The following IQSEC1 variants were observed in gnomAD, a reference collection of about 807,000 sequenced individuals.
IQSEC1 encodes IQ motif and SEC7 domain-containing protein 1.
A neutral mutation model predicts 91.0 loss-of-function variants in IQSEC1; 31 were observed. That is an observed-to-expected ratio of 0.34 (90% CI 0.26 to 0.46). IQSEC1 has a LOEUF of 0.46. IQSEC1 is among the 20% of genes least tolerant of loss of function. The pLI, the probability that IQSEC1 is intolerant of heterozygous loss-of-function variation, is 1.00. For synonymous variants in IQSEC1, 699 were observed against 662.6 expected, an observed-to-expected ratio of 1.05 and a Z score of -0.84; for missense variants, 1,388 against 1,575.6, an observed-to-expected ratio of 0.88 and a Z score of 2.02.
At chr3:13,197,162 T>C (rs777220055) in intron 1 of IQSEC1, among the ~76,000 whole-genome samples, 1 of 152,138 alleles carries the variant, frequency 6.6e-6, no homozygotes, top group Non-Finnish European at 1.5e-5. Flanking sequence ...CCTGAAGACA[T>C]CTGAACAGAT....
intron 1 of IQSEC1, among the ~76,000 whole-genome samples, chr3:13,208,614 A>G (rs1694386120): frequency 6.6e-6 from 1 of 152,168 alleles, no homozygotes; most frequent in African/African-American, 2.4e-5. Context: ...TCCCCAGATG[A>G]GCTCTGGCCT....
chr3:13,132,431 G>A (rs1485890088), intron 2 of IQSEC1, among the ~76,000 whole-genome samples: 1 of 152,194 alleles, frequency 6.6e-6, no homozygotes, highest in Non-Finnish European at 1.5e-5. Flanking sequence ...ACGCTCACGA[G>A]CTGGGCAGTA....
intron 1 of IQSEC1, among the ~76,000 whole-genome samples, chr3:13,065,618 C>G (rs1296821002): frequency 6.6e-6 from 1 of 152,174 alleles, no homozygotes; most frequent in Non-Finnish European, 1.5e-5. Flanking sequence ...AAACCAGGAC[C>G]TTTGTGCAGT....
chr3:13,047,725 T>C (rs1316256051), intron 1 of IQSEC1, among the ~76,000 whole-genome samples: 1 of 152,174 alleles, frequency 6.6e-6, no homozygotes, highest in African/African-American at 2.4e-5. Flanking sequence ...GAAGCTGCCT[T>C]GTCTCTACCC....
chr3:13,064,111 T>C (rs1705160255), intron 1 of IQSEC1, among the ~76,000 whole-genome samples: 1 of 152,164 alleles, frequency 6.6e-6, no homozygotes, highest in Non-Finnish European at 1.5e-5. Context: ...ATTCTGACAC[T>C]GCACTGTCCT....
intron 2 of IQSEC1, among the ~76,000 whole-genome samples, chr3:13,110,639 C>G (rs770456703): frequency 1.3e-5 from 2 of 152,148 alleles, no homozygotes; most frequent in Non-Finnish European, 2.9e-5. Context: ...GCACACCCAC[C>G]ACACCCCTTA....
At chr3:13,226,213 C>T (rs186096262) in intron 1 of IQSEC1, among the ~76,000 whole-genome samples, 1 of 152,324 alleles carries the variant, frequency 6.6e-6, no homozygotes, top group Non-Finnish European at 1.5e-5. Flanking sequence ...GACAATATAG[C>T]TTAGGGACTA....
intron 1 of IQSEC1, among the ~76,000 whole-genome samples, chr3:13,254,200 G>A (rs767460718): frequency 2.0e-5 from 3 of 152,220 alleles, no homozygotes; most frequent in Admixed American, 6.5e-5. Flanking sequence ...CCACATCGGC[G>A]TGCAGCCTGG....
In IQSEC1 at chr3:12,899,755, A is replaced by G; in HGVS notation, c.*1228T>C. ...CCCTGGGTTGCTAAACGCTAAAGTCAACCTTCAGGTTCGAGAGTGGTTCCT... is the reference window on the plus strand; with the variant it reads ...CCCTGGGTTGCTAAACGCTAAAGTCGACCTTCAGGTTCGAGAGTGGTTCCT... On this transcript the variant is annotated 3_prime_UTR_variant, in exon 14 of 14. Coordinates refer to ENST00000613206, the MANE Select transcript of IQSEC1 (RefSeq NM_001134382.3). 1 of 985,406 alleles carries G rather than the reference A, an allele frequency of 1.0e-6. No individual in the cohort carries two copies. Among genetic ancestry groups the G allele is most frequent in the Non-Finnish European group, 1.2e-6 (1 of 829,918 alleles). 61.0% of individuals were successfully genotyped at this position (985,406 alleles called of 1,614,324 possible). A position where few individuals can be genotyped will look rare whatever the true frequency, so the allele number is the denominator to read the frequency against.
intron 1 of IQSEC1, among the ~76,000 whole-genome samples, chr3:13,276,352 T>A (rs746709650): frequency 2.0e-5 from 3 of 152,062 alleles, no homozygotes; most frequent in Non-Finnish European, 2.9e-5. Context: ...CCTCCCAAAG[T>A]GCTGGGATTA....
At position 13,200,105 on chromosome 3, in the gene IQSEC1, GCACA is replaced by G. The variant is rs1042505190; in HGVS notation, c.273-35976_273-35973del. Reference sequence around the variant, plus strand: ...GCATATACACAACATGCGCGCGCACGCACACACACATACACCACAGACTACTCAC... The same window carrying G: ...GCATATACACAACATGCGCGCGCACGCACACATACACCACAGACTACTCAC... On this transcript the variant is annotated intron_variant, in intron 1 of 15. Coordinates refer to the IQSEC1 transcript ENST00000648114. Among the ~76,000 whole-genome samples the G allele has an allele frequency of 5.0e-5, 7 of 140,282 alleles. No homozygotes were observed. The South Asian group carries it at 1.6e-3, about 32-fold the overall frequency. 92.0% of individuals were successfully genotyped at this position (140,282 alleles called of 152,430 possible).
chr3:13,097,875 T>G (rs958561191), intron 2 of IQSEC1, among the ~76,000 whole-genome samples: 1 of 152,256 alleles, frequency 6.6e-6, no homozygotes, highest in Admixed American at 6.5e-5. Context: ...TGCAGCCCCT[T>G]TCTTCATGAC....
rs372663245 is a variant in IQSEC1 at position 13,262,216 on chromosome 3, T to C, written c.272+20495A>G. Among the ~76,000 whole-genome samples, 37 of 152,354 alleles carry C rather than the reference T, an allele frequency of 2.4e-4. 2 individuals carry two copies. The highest frequency in any genetic ancestry group is 1.2e-3 in the Admixed American group (19 of 15,304). ...CACGATAACAACTGACCACATACTATGCACCGGGGTCTGTGCGCTCAACAC... is the reference window on the plus strand; with the variant it reads ...CACGATAACAACTGACCACATACTACGCACCGGGGTCTGTGCGCTCAACAC... On this transcript the variant is annotated intron_variant, in intron 1 of 15. Coordinates refer to the IQSEC1 transcript ENST00000648114.
intron 1 of IQSEC1, among the ~76,000 whole-genome samples, chr3:13,219,084 C>G (rs542716107): frequency 5.9e-5 from 9 of 152,166 alleles, no homozygotes; most frequent in Non-Finnish European, 1.5e-5. Flanking sequence ...GCAGCTGCCT[C>G]GGGCCCTTCT....
chr3:12,996,082 G>A (rs1702217000), intron 1 of IQSEC1, among the ~76,000 whole-genome samples: 1 of 152,098 alleles, frequency 6.6e-6, no homozygotes, highest in African/African-American at 2.4e-5. Flanking sequence ...GATTGCTTAA[G>A]CCCAGGAGTT....
At chr3:13,192,001 A>T (rs1446676606) in intron 1 of IQSEC1, among the ~76,000 whole-genome samples, 1 of 152,178 alleles carries the variant, frequency 6.6e-6, no homozygotes, top group African/African-American at 2.4e-5. Flanking sequence ...AATATGTTGA[A>T]GTTCTAGCCT....
chr3:12,947,914 G>A (rs985998687), intron 1 of IQSEC1, among the ~76,000 whole-genome samples: 20 of 152,232 alleles, frequency 1.3e-4, no homozygotes, highest in Admixed American at 4.6e-4. Context: ...TGGGTGAAGC[G>A]CTAGATCCCT....
intron 2 of IQSEC1, among the ~76,000 whole-genome samples, chr3:13,148,378 ACCATGCATGCTGTTCC>A (rs1266047746): frequency 6.6e-6 from 1 of 152,176 alleles, no homozygotes; most frequent in East Asian, 1.9e-4. Context: ...CCTCTGAGCC[ACCATGCATGCTGTTCC>A]CCATGCATAC....
intron 1 of IQSEC1, among the ~76,000 whole-genome samples, chr3:13,174,430 G>A (rs1693678402): frequency 6.6e-6 from 1 of 152,114 alleles, no homozygotes; most frequent in Non-Finnish European, 1.5e-5. Flanking sequence ...ACACTGAGCA[G>A]GCATTTTGCA....
Sources: allele counts gnomAD v4.1 joint callset (sites outside exome capture counted in the v4.1 genomes callset), GRCh38; gene constraint gnomAD v4.1.1; transcripts MANE v1.5; gene names NCBI Gene and HGNC (gene_info 2026-07-23, HGNC 2026-07-21).